The following XRCC5 variants were observed in gnomAD, a reference collection of about 807,000 sequenced individuals.
XRCC5 encodes the protein DNA repair protein Ku80.
XRCC5 carries 12 observed loss-of-function variants against 95.7 expected under a neutral mutation model. That is an observed-to-expected ratio of 0.13 (90% CI 0.08 to 0.20). The LOEUF (loss-of-function observed/expected upper bound fraction) is 0.20. XRCC5 is among the 10% of genes least tolerant of loss of function. XRCC5 has a pLI of 1.00. For missense variants in XRCC5, 595 were observed against 873.9 expected, an observed-to-expected ratio of 0.68 and a Z score of 4.02; for synonymous variants, 281 against 290.3, an observed-to-expected ratio of 0.97 and a Z score of 0.33.
intron 16 of XRCC5, among the ~76,000 whole-genome samples, chr2:216,166,243 C>T (rs997652785): frequency 2.0e-5 from 3 of 152,204 alleles, no homozygotes; most frequent in South Asian, 2.1e-4. Flanking sequence ...ACCTCCACCC[C>T]GCCAAGTACC....
intron 19 of XRCC5, among the ~76,000 whole-genome samples, chr2:216,202,023 C>T (rs1037320509): frequency 2.6e-5 from 4 of 152,170 alleles, no homozygotes; most frequent in Admixed American, 6.5e-5. Flanking sequence ...TGTTGCTGCT[C>T]ATTTCTTCCT....
At position 216,141,224 on chromosome 2, in the gene XRCC5, A is replaced by C; in HGVS notation, c.1381A>C (p.Met461Leu). 2 of 1,614,192 alleles carry C rather than the reference A, an allele frequency of 1.2e-6. No homozygotes were observed. Among genetic ancestry groups the C allele is most frequent in the Non-Finnish European group, 1.7e-6 (2 of 1,180,004 alleles). Residue 461 changes from methionine (M) to leucine (L), a missense_variant, in exon 13 of 21, where the codon ATG becomes CTG. Transcript: ENST00000392132. ...TGCTGTTGATGCTTTGATTGACTCC[A>C]TGAGCTTGGCAAAGAAAGATGAGAA... Reference protein sequence around the residue: ...LNAVDALIDSMSLAKKDEKTD... With the variant: ...LNAVDALIDSLSLAKKDEKTD...
At chr2:216,145,841 A>G (rs1203283421) in intron 13 of XRCC5, among the ~76,000 whole-genome samples, 5 of 152,230 alleles carry the variant, frequency 3.3e-5, no homozygotes, top group Non-Finnish European at 7.3e-5. Flanking sequence ...CCCTTTTCCA[A>G]GAAATGTCAA....
At chr2:216,135,610 C>T (rs926802617) in intron 10 of XRCC5, among the ~76,000 whole-genome samples, 8 of 152,156 alleles carry the variant, frequency 5.3e-5, no homozygotes, top group Middle Eastern at 3.4e-3. Context: ...CCAGTCTGGG[C>T]AACATGGCAA....
chr2:216,138,235 T>C (rs1463774160), intron 12 of XRCC5, 56 bp downstream of exon 12: 2 of 1,498,314 alleles, frequency 1.3e-6, no homozygotes, highest in South Asian at 2.3e-5. Flanking sequence ...TCTTGGGAAA[T>C]CACCTGTCTG....
At chr2:216,184,057 T>TGTGTGTGTGC (rs1485773488) in intron 16 of XRCC5, among the ~76,000 whole-genome samples, 79 of 149,926 alleles carry the variant, frequency 5.3e-4, no homozygotes, top group Non-Finnish European at 8.7e-4. Flanking sequence ...TGTGTGTGTG[T>TGTGTGTGTGC]GTGTGTGTGT....
At chr2:216,161,769 G>A (rs1391086637) in intron 15 of XRCC5, among the ~76,000 whole-genome samples, 4 of 152,214 alleles carry the variant, frequency 2.6e-5, no homozygotes, top group African/African-American at 9.6e-5. Flanking sequence ...AGCAAGGTGA[G>A]TGAAAGCACA....
At chr2:216,167,405 G>A (rs1434277064) in intron 16 of XRCC5, among the ~76,000 whole-genome samples, 1 of 152,006 alleles carries the variant, frequency 6.6e-6, no homozygotes, top group African/African-American at 2.4e-5. Context: ...ATTCATCAAA[G>A]CCAAATAGTT....
chr2:216,160,048 A>G lies in XRCC5; in HGVS notation c.1671-20A>G. 1 of 1,432,750 alleles carries G rather than the reference A, an allele frequency of 7.0e-7. No homozygotes were observed. Among genetic ancestry groups the G allele is most frequent in the Non-Finnish European group, 9.5e-7 (1 of 1,051,514 alleles). The allele number at this position is 1,432,750 out of a possible 1,614,324, so 88.8% of individuals were successfully genotyped here. A position where few individuals can be genotyped will look rare whatever the true frequency, so the allele number is the denominator to read the frequency against. On this transcript the variant is annotated intron_variant, in intron 14 of 20. Transcript: ENST00000392132. ...TTTTGTATTGTTTGTTCTAAGAGAA[A>G]TTTTTTTTTTCTTTTCTAGCCATGA...
chr2:216,195,155 T>A (rs932730376), intron 19 of XRCC5, among the ~76,000 whole-genome samples, 169 bp downstream of exon 19: 1 of 152,152 alleles, frequency 6.6e-6, no homozygotes, highest in Non-Finnish European at 1.5e-5. Context: ...AATTATAATC[T>A]TACTCAGTTT....
intron 14 of XRCC5, among the ~76,000 whole-genome samples, chr2:216,157,435 G>T (rs948391913): frequency 3.3e-5 from 5 of 151,948 alleles, no homozygotes; most frequent in African/African-American, 1.2e-4. Context: ...GGGTTTCACC[G>T]TGTTAGCCAG....
chr2:216,124,314 T>C (rs1016708621), intron 6 of XRCC5, among the ~76,000 whole-genome samples: 3 of 152,202 alleles, frequency 2.0e-5, no homozygotes, highest in Non-Finnish European at 2.9e-5. Context: ...TGACGTGATC[T>C]CAGCTCACTG....
chr2:216,170,967 A>G (rs1430564962), intron 16 of XRCC5, among the ~76,000 whole-genome samples: 1 of 152,210 alleles, frequency 6.6e-6, no homozygotes, highest in African/African-American at 2.4e-5. Context: ...GCTGTCTTCA[A>G]GATTGCTCCT....
At chr2:216,153,699 G>C (rs207910) in intron 14 of XRCC5, among the ~76,000 whole-genome samples, 1 of 152,138 alleles carries the variant, frequency 6.6e-6, no homozygotes, top group African/African-American at 2.4e-5. Context: ...GTAGTTGGTA[G>C]GTGTTGGAGT....
chr2:216,196,624 T>C (rs1412259038), intron 19 of XRCC5, among the ~76,000 whole-genome samples: 2 of 152,182 alleles, frequency 1.3e-5, no homozygotes, highest in Non-Finnish European at 2.9e-5. Flanking sequence ...CTGAAATTTG[T>C]AGGACAGGCT....
At chr2:216,159,254 T>C (rs1477942641) in intron 14 of XRCC5, among the ~76,000 whole-genome samples, 2 of 152,180 alleles carry the variant, frequency 1.3e-5, no homozygotes, top group Non-Finnish European at 2.9e-5. Flanking sequence ...AAATCTTAAT[T>C]TCTTTATGTT....
intron 19 of XRCC5, among the ~76,000 whole-genome samples, chr2:216,197,175 A>T (rs368762702): frequency 3.3e-5 from 5 of 152,164 alleles, no homozygotes; most frequent in Non-Finnish European, 5.9e-5. Flanking sequence ...TGCAAATAGG[A>T]TGTCTTCTTT....
chr2:216,193,325 T>A (rs1025518252), intron 18 of XRCC5, among the ~76,000 whole-genome samples: 2 of 152,220 alleles, frequency 1.3e-5, no homozygotes, highest in Admixed American at 6.5e-5. Context: ...CCACCTTTTT[T>A]AAAACATGAC....
chr2:216,176,431 T>C (rs981279882), intron 16 of XRCC5, among the ~76,000 whole-genome samples: 2 of 152,238 alleles, frequency 1.3e-5, no homozygotes, highest in African/African-American at 4.8e-5. Flanking sequence ...ATTTTTAAGC[T>C]AATAAATCTG....
Sources: allele counts gnomAD v4.1 joint callset (sites outside exome capture counted in the v4.1 genomes callset), GRCh38; gene constraint gnomAD v4.1.1; transcripts MANE v1.5; gene names NCBI Gene and HGNC (gene_info 2026-07-23, HGNC 2026-07-21).